Variants in SAMD3 observed in about 807,000 individuals in gnomAD.
The protein encoded by SAMD3 is sterile alpha motif domain-containing protein 3.
A neutral mutation model predicts 58.5 loss-of-function variants in SAMD3; 63 were observed. The ratio of observed to expected loss-of-function variants is 1.08; its 90% CI spans 0.88 to 1.33. The LOEUF (loss-of-function observed/expected upper bound fraction) is 1.33. SAMD3 is among the 40% of genes most tolerant of loss of function. The pLI, the probability that SAMD3 is intolerant of heterozygous loss-of-function variation, is 0.00. For synonymous variants in SAMD3, 220 were observed against 210.3 expected (o/e 1.05, Z -0.40); for missense variants, 604 against 608.4 (o/e 0.99, Z 0.08).
chr6:130,206,787 C>A (rs1043646822), intron 5 of SAMD3, among the ~76,000 whole-genome samples: 2 of 152,102 alleles, frequency 1.3e-5, no homozygotes, highest in African/African-American at 4.8e-5. Context: ...TCCTATTTTT[C>A]TCCTCCCCCT....
intron 2 of SAMD3, among the ~76,000 whole-genome samples, chr6:130,232,160 A>AGGCC (rs1388845606): frequency 6.6e-6 from 1 of 152,174 alleles, no homozygotes; most frequent in Non-Finnish European, 1.5e-5. Flanking sequence ...AGTGTAGGAA[A>AGGCC]GGCCTTTTTG....
intron 1 of SAMD3, among the ~76,000 whole-genome samples, chr6:130,334,682 C>T (rs1777047466): frequency 1.3e-5 from 2 of 152,186 alleles, no homozygotes; most frequent in Admixed American, 6.5e-5. Context: ...CATGCATTTC[C>T]AGTATCTTAC....
At chr6:130,146,288 C>T in intron 9 of SAMD3, 107 bp from the exon 10 acceptor site, 1 of 572,366 alleles carries the variant, frequency 1.7e-6, no homozygotes, top group Non-Finnish European at 2.8e-6. Flanking sequence ...CTGGTTTACA[C>T]TAAGTACTCA....
chr6:130,218,828 T>G (rs1336135804), intron 1 of SAMD3, among the ~76,000 whole-genome samples: 1 of 151,070 alleles, frequency 6.6e-6, no homozygotes, highest in African/African-American at 2.4e-5. Flanking sequence ...AAAAAACGAG[T>G]CATGTTTTGG....
chr6:130,209,743 A>C (rs1562450717), intron 4 of SAMD3, 135 bp from the exon 5 acceptor site: 7 of 550,350 alleles, frequency 1.3e-5, no homozygotes, highest in East Asian at 3.0e-5. Context: ...CGTTAGACTC[A>C]TGACTAAGAG....
intron 2 of SAMD3, among the ~76,000 whole-genome samples, chr6:130,261,957 CAG>C (rs1774156298): frequency 6.7e-6 from 1 of 150,234 alleles, no homozygotes; most frequent in African/African-American, 2.5e-5. Flanking sequence ...GAGAGAGAGA[CAG>C]AGAGGAGAAA....
intron 2 of SAMD3, among the ~76,000 whole-genome samples, chr6:130,245,987 A>G (rs1180283189): frequency 6.6e-6 from 1 of 152,202 alleles, no homozygotes; most frequent in Non-Finnish European, 1.5e-5. Context: ...TTGTTCATGC[A>G]AAGCCAGTTG....
intron 1 of SAMD3, among the ~76,000 whole-genome samples, chr6:130,313,436 C>T (rs766251687): frequency 5.3e-5 from 8 of 152,112 alleles, no homozygotes; most frequent in East Asian, 1.9e-4. Flanking sequence ...CCCTAGTGGA[C>T]GAAATTACCC....
chr6:130,200,406 G>A lies in SAMD3; in HGVS notation c.383+9089C>T, dbSNP rs1008487571. ...AATACAAAAAAAAAAAAAATTAGCC[G>A]GGCGTGGTTGCATGCAACTGTAGTC... is the stretch of plus-strand genomic sequence containing the variant. On this transcript the variant is annotated intron_variant, in intron 5 of 11. Transcript: ENST00000439090. Among the ~76,000 whole-genome samples the A allele has an allele frequency of 2.7e-4, 40 of 149,204 alleles. 1 individual carries two copies. The highest frequency in any genetic ancestry group is 4.7e-4 in the Admixed American group (7 of 14,964).
intron 2 of SAMD3, among the ~76,000 whole-genome samples, chr6:130,249,389 G>T (rs62431212): frequency 0.026 from 4,025 of 152,160 alleles, 86 homozygotes; most frequent in Non-Finnish European, 0.041. Context: ...TGGTGTCTGG[G>T]AGCTTAGAAG....
At chr6:130,282,155 C>A (rs544918259) in intron 2 of SAMD3, among the ~76,000 whole-genome samples, 1 of 152,010 alleles carries the variant, frequency 6.6e-6, no homozygotes, top group Admixed American at 6.6e-5. Context: ...CAAGCACACA[C>A]GCACACGTGC....
intron 2 of SAMD3, among the ~76,000 whole-genome samples, chr6:130,247,686 C>T (rs1773598428): frequency 6.6e-6 from 1 of 152,162 alleles, no homozygotes; most frequent in Admixed American, 6.5e-5. Context: ...GCCAGGTATT[C>T]ATCCTGTCTT....
intron 1 of SAMD3, among the ~76,000 whole-genome samples, chr6:130,315,174 T>C (rs770333589): frequency 6.6e-5 from 10 of 152,040 alleles, no homozygotes; most frequent in Admixed American, 5.9e-4. Context: ...TACATGAAAG[T>C]CAATAGAAAA....
chr6:130,234,277 C>T (rs1932113), intron 2 of SAMD3, among the ~76,000 whole-genome samples: 21,670 of 151,816 alleles, frequency 0.14, 1,760 homozygotes, highest in East Asian at 0.36. Context: ...TTATTTGAAA[C>T]GGTGTTTCAC....
At chr6:130,286,117 G>A (rs1042190363) in intron 2 of SAMD3, 1 of 152,190 alleles carries the variant, frequency 6.6e-6, no homozygotes, top group Non-Finnish European at 1.5e-5. Flanking sequence ...AATTTGCTTA[G>A]GATCAGATAG....
chr6:130,214,848 C>T, intron 3 of SAMD3, among the ~76,000 whole-genome samples: 1 of 152,126 alleles, frequency 6.6e-6, no homozygotes, highest in Non-Finnish European at 1.5e-5. Flanking sequence ...TTCGTAATAG[C>T]TCCTAGCCAG....
chr6:130,253,675 G>A (rs1034889669), intron 2 of SAMD3, among the ~76,000 whole-genome samples: 1 of 151,750 alleles, frequency 6.6e-6, no homozygotes, highest in African/African-American at 2.4e-5. Flanking sequence ...AAATATCAAT[G>A]CTTTCTATTT....
intron 8 of SAMD3, among the ~76,000 whole-genome samples, chr6:130,171,151 G>A (rs1016879502): frequency 7.2e-5 from 11 of 152,114 alleles, no homozygotes; most frequent in Non-Finnish European, 7.4e-5. Flanking sequence ...AGCATCAAGC[G>A]ATGTTGAATT....
intron 2 of SAMD3, among the ~76,000 whole-genome samples, chr6:130,240,087 A>C (rs1323048726): frequency 2.0e-5 from 3 of 152,358 alleles, no homozygotes; most frequent in South Asian, 4.1e-4. Flanking sequence ...CCCATGCTGC[A>C]CATGTTATCA....
Sources: gnomAD v4.1 joint callset for allele counts (sites outside exome capture counted in the v4.1 genomes callset) on GRCh38, gnomAD v4.1.1 for gene constraint, MANE v1.5 for transcripts, NCBI Gene and HGNC (gene_info 2026-07-23, HGNC 2026-07-21) for gene names.